Variants in LAMA3 observed in about 807,000 individuals in gnomAD.
The protein encoded by LAMA3 is laminin subunit alpha-3.
Under a neutral mutation model 402.0 loss-of-function variants are expected in LAMA3, and 281 were observed. The observed-to-expected ratio is 0.70, with a 90% CI of 0.63 to 0.77. The LOEUF (loss-of-function observed/expected upper bound fraction) is 0.77, where lower values mean the gene tolerates loss of function less well. LAMA3 is among the 30% of genes least tolerant of loss of function. LAMA3 has a pLI of 0.00. For missense variants in LAMA3, 3,840 were observed against 4,215.5 expected (o/e 0.91, Z 2.47); for synonymous variants, 1,431 against 1,558.4 (o/e 0.92, Z 1.93).
intron 47 of LAMA3, among the ~76,000 whole-genome samples, chr18:23,900,097 G>GTC (rs2081020123): frequency 6.6e-6 from 1 of 151,902 alleles, no homozygotes; most frequent in South Asian, 2.1e-4. Context: ...ATGTGACAGA[G>GTC]TCTCACTCCA....
At chr18:23,873,185 A>T (rs2064587815) in intron 38 of LAMA3, 1 of 1,614,242 alleles carries the variant, frequency 6.2e-7, no homozygotes, top group Non-Finnish European at 8.5e-7. Flanking sequence ...GTCAACTGCA[A>T]GCGAGTTATG....
chr18:23,946,107 G>A, intron 69 of LAMA3, 37 bp from the exon 70 acceptor site: 1 of 1,601,188 alleles, frequency 6.2e-7, no homozygotes, highest in Non-Finnish European at 8.6e-7. Flanking sequence ...ATTGTCAAAG[G>A]TAAAAATACA....
chr18:23,930,199 T>C (rs1010309033), intron 64 of LAMA3, among the ~76,000 whole-genome samples: 6 of 152,168 alleles, frequency 3.9e-5, no homozygotes, highest in African/African-American at 1.4e-4. Flanking sequence ...AGTGCTGAGA[T>C]TGCACATTTT....
chr18:23,818,999 G>A (rs1053194967), intron 18 of LAMA3, among the ~76,000 whole-genome samples: 2 of 152,090 alleles, frequency 1.3e-5, no homozygotes, highest in African/African-American at 2.4e-5. Context: ...TAGAATTACT[G>A]GGTCAATATG....
At chr18:23,841,242 G>C (rs2063695874) in intron 27 of LAMA3, among the ~76,000 whole-genome samples, 1 of 152,176 alleles carries the variant, frequency 6.6e-6, no homozygotes, top group Non-Finnish European at 1.5e-5. Context: ...CGAGTCATGG[G>C]TCTCATCTGA....
chr18:23,921,609 G>A lies in LAMA3; in HGVS notation c.8177+24G>A, dbSNP rs1303375122. The stretch of plus-strand genomic sequence containing the variant: ...AGGTAAGATGATTTTTTTAAAACGA[G>A]ATTTAAAGCCTTTGTTAGTGGTTAT... On this transcript the variant is annotated intron_variant, in intron 62 of 74. Coordinates refer to ENST00000313654, the MANE Select transcript of LAMA3 (RefSeq NM_198129.4). 3 of 1,612,522 alleles carry A rather than the reference G, an allele frequency of 1.9e-6. No individual in the cohort carries two copies. The African/African-American group carries it at 4.0e-5, about 22-fold the overall frequency.
At chr18:23,765,209 T>C (rs987630742) in intron 8 of LAMA3, among the ~76,000 whole-genome samples, 1 of 152,216 alleles carries the variant, frequency 6.6e-6, no homozygotes, top group Non-Finnish European at 1.5e-5. Flanking sequence ...AGCTGTGTTC[T>C]CTGAGGAACC....
intron 32 of LAMA3, among the ~76,000 whole-genome samples, chr18:23,857,458 C>A (rs2064109055): frequency 6.6e-6 from 1 of 152,244 alleles, no homozygotes; most frequent in Non-Finnish European, 1.5e-5. Context: ...GGTCAGGAGT[C>A]ATTTCCCCCA....
chr18:23,924,646 G>A (rs2081951953), intron 62 of LAMA3, among the ~76,000 whole-genome samples: 1 of 148,520 alleles, frequency 6.7e-6, no homozygotes, highest in Non-Finnish European at 1.5e-5. Context: ...CCGGGTTCAA[G>A]CAATTCTCCT....
At chr18:23,773,329 G>C (rs2062242370) in intron 8 of LAMA3, among the ~76,000 whole-genome samples, 168 bp from the exon 9 acceptor site, 1 of 152,160 alleles carries the variant, frequency 6.6e-6, no homozygotes. Context: ...CCAATCCTAT[G>C]GTAAATTTTG....
chr18:23,792,171 A>G (rs2062671292), intron 12 of LAMA3, among the ~76,000 whole-genome samples: 2 of 152,216 alleles, frequency 1.3e-5, no homozygotes, highest in African/African-American at 2.4e-5. Flanking sequence ...CCTCGCCTCA[A>G]AACACATGAG....
At chr18:23,937,615 G>T (rs149740086) in intron 67 of LAMA3, among the ~76,000 whole-genome samples, 1 of 152,138 alleles carries the variant, frequency 6.6e-6, no homozygotes. Flanking sequence ...GGTGGCAAAG[G>T]CTGTCTTTCA....
Position 23,834,217 on chromosome 18 carries a change from A to T in LAMA3, c.2984+229A>T, listed in dbSNP as rs147184249. On this transcript the variant is annotated intron_variant, in intron 24 of 74. Coordinates refer to ENST00000313654, the MANE Select transcript of LAMA3 (RefSeq NM_198129.4). The stretch of plus-strand genomic sequence containing the variant: ...ATTTTCTTAAAAAGCTGTATGCTGT[A>T]CTTAGCAATTTGGTTCAGATTCACA... 303 of 538,036 alleles carry T rather than the reference A, an allele frequency of 5.6e-4. 3 individuals carry two copies. In the East Asian group the frequency reaches 9.2e-3, roughly 16 times the overall value. 33.3% of individuals were successfully genotyped at this position (538,036 alleles called of 1,614,324 possible).
chr18:23,887,444 GAC>G (rs2065109593), intron 41 of LAMA3, among the ~76,000 whole-genome samples: 1 of 152,158 alleles, frequency 6.6e-6, no homozygotes, highest in Admixed American at 6.5e-5. Flanking sequence ...GGCTCGGTGA[GAC>G]ATCCATTTGG....
At chr18:23,769,624 G>A (rs910125618) in intron 8 of LAMA3, among the ~76,000 whole-genome samples, 3 of 152,188 alleles carry the variant, frequency 2.0e-5, no homozygotes, top group African/African-American at 7.2e-5. Flanking sequence ...CCAAAAAATA[G>A]ATAAATGAAG....
chr18:23,896,810 G>A (rs1278966888), intron 44 of LAMA3, among the ~76,000 whole-genome samples: 1 of 152,134 alleles, frequency 6.6e-6, no homozygotes, highest in Non-Finnish European at 1.5e-5. Context: ...AACTGCCAAA[G>A]TAAGACCTGG....
At chr18:23,946,458 C>A in intron 70 of LAMA3, 174 bp downstream of exon 70, 1 of 756,396 alleles carries the variant, frequency 1.3e-6, no homozygotes. Flanking sequence ...TTTCTTAACC[C>A]AAAGCCTTCA....
At position 23,826,728 on chromosome 18, in the gene LAMA3, C is replaced by T. The variant is rs1005240598; in HGVS notation, c.2598C>T (p.Asp866=). 1.8e-5 allele frequency: 28 copies of T among 1,563,338 alleles called. No individual in the cohort carries two copies. The highest frequency in any genetic ancestry group is 3.3e-4 in the Middle Eastern group (2 of 5,986). The change falls in exon 22 of 75, where the codon GAC becomes GAT. Residue 866 remains aspartate (D), a synonymous_variant. Coordinates refer to ENST00000313654, the MANE Select transcript of LAMA3 (RefSeq NM_198129.4). ...ATTACCTGGTGCTGCTCCCCAGGGACTACTATGAAGCCTCTGTACTGCAGC... is the reference window on the plus strand; with the variant it reads ...ATTACCTGGTGCTGCTCCCCAGGGATTACTATGAAGCCTCTGTACTGCAGC... ...LLDYLVLLPR[D]YYEASVLQLP... is the part of the protein sequence containing the mutation.
chr18:23,704,848 A>AAAGTATTACACATGG (rs59556216), intron 1 of LAMA3, among the ~76,000 whole-genome samples: 4 of 151,906 alleles, frequency 2.6e-5, no homozygotes, highest in Admixed American at 1.3e-4. Flanking sequence ...TGTGAATTCT[A>AAAGTATTACACATGG]AAGGCTTTTT....
Sources: gnomAD v4.1 joint callset for allele counts (sites outside exome capture counted in the v4.1 genomes callset) on GRCh38, gnomAD v4.1.1 for gene constraint, MANE v1.5 for transcripts, NCBI Gene and HGNC (gene_info 2026-07-23, HGNC 2026-07-21) for gene names.